PASD1: variants seen among roughly 807,000 people sequenced by gnomAD.
PASD1 encodes PAS domain containing repressor 1, also known as circadian clock protein PASD1.
PASD1 carries 13 observed loss-of-function variants against 58.8 expected under a neutral mutation model. That is an observed-to-expected ratio of 0.22 (90% CI 0.14 to 0.35). The LOEUF (loss-of-function observed/expected upper bound fraction) is 0.35. Ranked by LOEUF, PASD1 falls within the 10% of genes least tolerant of loss-of-function variation. The pLI is 1.00. For missense variants in PASD1, 734 were observed against 568.3 expected (o/e 1.29, Z -2.96); for synonymous variants, 236 against 216.7 (o/e 1.09, Z -0.78).
At chrX:151,602,697 AAAT>A (rs753023498) in intron 2 of PASD1, among the ~76,000 whole-genome samples, 3,430 of 102,987 alleles carry the variant, frequency 0.033, 148 homozygotes, top group African/African-American at 0.12. Context: ...CTCCATCTCA[AAAT>A]AATAATAATA....
At chrX:151,603,744 C>T (rs1387042193) in intron 2 of PASD1, among the ~76,000 whole-genome samples, 1 of 111,499 alleles carries the variant, frequency 9.0e-6, no homozygotes, top group Admixed American at 9.5e-5. Context: ...TCAGTGAGGG[C>T]TCTAAAGCTC....
At chrX:151,669,928 T>G (rs1333370567) in intron 11 of PASD1, among the ~76,000 whole-genome samples, 1 of 112,019 alleles carries the variant, frequency 8.9e-6, no homozygotes, top group East Asian at 2.8e-4. Flanking sequence ...ATTTGCTGGA[T>G]CATACGGTAG....
At chrX:151,605,095 C>G (rs903939759) in intron 3 of PASD1, among the ~76,000 whole-genome samples, 1 of 111,731 alleles carries the variant, frequency 9.0e-6, no homozygotes, top group Non-Finnish European at 1.9e-5. Context: ...GTTTCTCCCC[C>G]CTCAAGAATG....
intron 9 of PASD1, among the ~76,000 whole-genome samples, chrX:151,653,517 C>T (rs2014162200): frequency 1.8e-5 from 2 of 110,262 alleles, no homozygotes; most frequent in East Asian, 5.7e-4. Context: ...GAAGGAAGAG[C>T]CCTTACATTT....
Position 151,612,217 on chromosome X carries a change from A to AC in PASD1, c.207+464_207+465insC, listed in dbSNP as rs1556154178. Among the ~76,000 whole-genome samples the AC allele has an allele frequency of 1.7e-4, 13 of 78,590 alleles. 1 individual carries two copies. The highest frequency in any genetic ancestry group is 6.5e-4 in the African/African-American group (13 of 19,855). The allele number at this position is 78,590 out of a possible 115,157, so 68.2% of individuals were successfully genotyped here. On this transcript the variant is annotated intron_variant, in intron 4 of 15. Coordinates refer to ENST00000370357, the MANE Select transcript of PASD1 (RefSeq NM_173493.3). ...CCACATTTTCTTAATCCAGCCTATC[A>AC]TGTTGGACATTTGGCTGGTTCCAAG...
At position 151,671,778 on chromosome X, in the gene PASD1, A is replaced by T. The variant is rs185186066; in HGVS notation, c.1436A>T (p.Gln479Leu). The T allele has an allele frequency of 8.4e-5, 101 of 1,196,796 alleles. No individual in the cohort carries two copies. Among genetic ancestry groups the T allele is most frequent in the Non-Finnish European group, 1.1e-4 (98 of 883,115 alleles). ...ELQEPCVAFN[Q>L]QQLVQQEQHL... The stretch of plus-strand genomic sequence containing the variant: ...CAGGAGCCTTGTGTTGCCTTCAACC[A>T]GGTATGGAAAGGCTGTTTTAACTGT... Residue 479 changes from glutamine (Q) to leucine (L), a missense_variant and splice_region_variant, in exon 13 of 16, where the codon CAG (glutamine) becomes CTG (leucine). By Grantham distance (113) the Gln-to-Leu change is moderately radical. Coordinates refer to ENST00000370357, the MANE Select transcript of PASD1 (RefSeq NM_173493.3).
At chrX:151,645,132 A>G (rs1157126497) in intron 8 of PASD1, among the ~76,000 whole-genome samples, 1 of 111,810 alleles carries the variant, frequency 8.9e-6, no homozygotes, top group Non-Finnish European at 1.9e-5. Flanking sequence ...GAGCCTGTAG[A>G]CAAGCCTTGG....
At chrX:151,586,420 A>AT (rs772159367) in intron 1 of PASD1, among the ~76,000 whole-genome samples, 3 of 111,692 alleles carry the variant, frequency 2.7e-5, no homozygotes, top group Admixed American at 9.5e-5. Flanking sequence ...TTACAGACTG[A>AT]TTTTCCAGTG....
chrX:151,568,898 A>C (rs1006522438), intron 1 of PASD1, among the ~76,000 whole-genome samples: 2 of 111,292 alleles, frequency 1.8e-5, no homozygotes, highest in Non-Finnish European at 3.8e-5. Context: ...GAGAGTGGCC[A>C]TATGCGGTAG....
At chrX:151,641,236 T>C (rs2013992468) in intron 8 of PASD1, 1 of 110,721 alleles carries the variant, frequency 9.0e-6, no homozygotes, top group Non-Finnish European at 1.9e-5. Context: ...ATTAGAGGAG[T>C]TCAAAATGGC....
At chrX:151,638,210 C>A (rs1484097462) in intron 8 of PASD1, among the ~76,000 whole-genome samples, 1 of 109,645 alleles carries the variant, frequency 9.1e-6, no homozygotes, top group Non-Finnish European at 1.9e-5. Flanking sequence ...AAACCAAACA[C>A]CGCATGTTCT....
chrX:151,598,232 G>T (rs979949379), intron 1 of PASD1, among the ~76,000 whole-genome samples: 1 of 111,515 alleles, frequency 9.0e-6, no homozygotes, highest in Non-Finnish European at 1.9e-5. Flanking sequence ...TATTTTGAAT[G>T]TTCAAATCGA....
At chrX:151,645,652 G>A (rs1444472284) in intron 8 of PASD1, 2 of 111,902 alleles carry the variant, frequency 1.8e-5, no homozygotes, top group Non-Finnish European at 3.8e-5. Context: ...AACTGGCAAA[G>A]TGTTCTTTGA....
chrX:151,586,110 G>C (rs2013160588), intron 1 of PASD1, among the ~76,000 whole-genome samples: 1 of 111,596 alleles, frequency 9.0e-6, no homozygotes. Flanking sequence ...GTAGAAGACT[G>C]CATCTGAGAG....
rs776162925 is a variant in PASD1, at chrX:151,672,541, A to T, written c.1796A>T (p.Asn599Ile). The T allele has an allele frequency of 2.5e-6, 3 of 1,210,215 alleles. No homozygotes were observed. The highest frequency in any genetic ancestry group is 3.4e-6 in the Non-Finnish European group (3 of 895,333). The change falls in exon 14 of 16, where the codon AAT becomes ATT. Residue 599 changes from asparagine to isoleucine, a missense_variant. Physicochemically the swap from Asn to Ile is moderately radical, Grantham distance 149. Transcript: ENST00000370357. ...CGTGACGTATCTGTGCCCCTCTGCA[A>T]TCACCCTGTTAGATTTTTACAGGCC... The part of the protein sequence containing the change: ...NPRDVSVPLC[N>I]HPVRFLQAQP...
At chrX:151,583,469 A>G (rs1315163062) in intron 1 of PASD1, among the ~76,000 whole-genome samples, 1 of 112,212 alleles carries the variant, frequency 8.9e-6, no homozygotes, top group South Asian at 3.7e-4. Context: ...AGGAACTCTT[A>G]TAACAAGGGA....
chrX:151,612,909 T>G (rs2013584997), intron 4 of PASD1, among the ~76,000 whole-genome samples: 1 of 111,920 alleles, frequency 8.9e-6, no homozygotes, highest in African/African-American at 3.2e-5. Flanking sequence ...ATGTCCTGAA[T>G]GGTATTGTCT....
intron 3 of PASD1, among the ~76,000 whole-genome samples, chrX:151,606,655 T>TGAGTAGCACAGCC (rs1384378753): frequency 1.4e-4 from 15 of 111,047 alleles, no homozygotes; most frequent in African/African-American, 4.6e-4. Context: ...CAAGACCTGT[T>TGAGTAGCACAGCC]GAGTAGCACA....
At chrX:151,649,054 C>T (rs1194019203) in intron 9 of PASD1, among the ~76,000 whole-genome samples, 3 of 111,787 alleles carry the variant, frequency 2.7e-5, no homozygotes, top group African/African-American at 6.5e-5. Context: ...TGTCTGCATC[C>T]GTTCTCTAAG....
Sources: allele counts gnomAD v4.1 joint callset (sites outside exome capture counted in the v4.1 genomes callset), GRCh38; gene constraint gnomAD v4.1.1; transcripts MANE v1.5; gene names NCBI Gene and HGNC (gene_info 2026-07-23, HGNC 2026-07-21).